NELL1: variants seen among roughly 807,000 people sequenced by gnomAD.
The protein encoded by NELL1 is neural EGFL like 1.
A neutral mutation model predicts 107.4 loss-of-function variants in NELL1; 76 were observed. The observed-to-expected ratio is 0.71, with a 90% CI of 0.59 to 0.86. NELL1 has a LOEUF of 0.86. Among genes scored for constraint, NELL1 ranks in the 40% least tolerant of loss-of-function variants. The probability of loss-of-function intolerance (pLI) is 0.00; values close to 1 mark genes in which losing one functional copy is unlikely to be tolerated. For missense variants in NELL1, 1,024 were observed against 1,005.5 expected (o/e 1.02, Z -0.25); for synonymous variants, 353 against 341.2 (o/e 1.03, Z -0.38).
At chr11:21,152,664 A>G (rs1022272209) in intron 13 of NELL1, among the ~76,000 whole-genome samples, 1 of 152,206 alleles carries the variant, frequency 6.6e-6, no homozygotes, top group Non-Finnish European at 1.5e-5. Context: ...GCAATTGACA[A>G]TTGTAGAGAT....
chr11:21,222,261 G>A (rs1333235226), intron 13 of NELL1, among the ~76,000 whole-genome samples: 2 of 151,838 alleles, frequency 1.3e-5, no homozygotes, highest in Non-Finnish European at 1.5e-5. Context: ...CTCACTGCAA[G>A]CTCTGCCTCC....
intron 13 of NELL1, among the ~76,000 whole-genome samples, chr11:21,116,731 G>C (rs984676497): frequency 6.6e-6 from 1 of 151,770 alleles, no homozygotes; most frequent in African/African-American, 2.4e-5. Context: ...TACCCTTTAC[G>C]TCTTGTCCTA....
At chr11:21,238,526 G>A (rs531635619) in intron 14 of NELL1, among the ~76,000 whole-genome samples, 7 of 152,058 alleles carry the variant, frequency 4.6e-5, no homozygotes, top group African/African-American at 9.7e-5. Context: ...ATGAGAGGTC[G>A]TAGTGGAGAG....
At chr11:21,112,476 A>T (rs1855129892) in intron 12 of NELL1, among the ~76,000 whole-genome samples, 2 of 152,014 alleles carry the variant, frequency 1.3e-5, no homozygotes, top group South Asian at 4.1e-4. Flanking sequence ...AGAAGCTTTC[A>T]TGAAGTAAAT....
intron 15 of NELL1, among the ~76,000 whole-genome samples, chr11:21,480,806 T>A (rs902115797): frequency 3.9e-5 from 6 of 152,202 alleles, no homozygotes; most frequent in African/African-American, 1.2e-4. Context: ...CCCCTCAGAA[T>A]GCTTCATTTT....
chr11:21,090,575 G>A (rs1190096482), intron 12 of NELL1, among the ~76,000 whole-genome samples: 3 of 152,092 alleles, frequency 2.0e-5, no homozygotes, highest in Non-Finnish European at 2.9e-5. Flanking sequence ...GGAAAGACCT[G>A]GTATATTGAG....
intron 3 of NELL1, among the ~76,000 whole-genome samples, chr11:20,803,984 C>T (rs764677523): frequency 1.4e-4 from 22 of 152,104 alleles, no homozygotes; most frequent in African/African-American, 5.1e-4. Context: ...CTTTGGAACT[C>T]GGACTGACTC....
At chr11:21,129,625 G>A (rs1855569885) in intron 13 of NELL1, among the ~76,000 whole-genome samples, 2 of 152,142 alleles carry the variant, frequency 1.3e-5, no homozygotes, top group Non-Finnish European at 2.9e-5. Flanking sequence ...TGAGACTAGA[G>A]AACATCATCC....
chr11:21,179,189 C>T (rs191424859), intron 13 of NELL1, among the ~76,000 whole-genome samples: 1 of 151,840 alleles, frequency 6.6e-6, no homozygotes, highest in East Asian at 1.9e-4. Flanking sequence ...AAAAGTTGGG[C>T]TGGAGCTAGA....
chr11:20,836,237 A>G (rs929821324), intron 3 of NELL1, among the ~76,000 whole-genome samples: 1 of 151,692 alleles, frequency 6.6e-6, no homozygotes, highest in African/African-American at 2.4e-5. Context: ...AAACAATGAT[A>G]TACCATTACA....
intron 2 of NELL1, among the ~76,000 whole-genome samples, chr11:20,715,019 G>A (rs191402957): frequency 2.6e-5 from 4 of 152,052 alleles, no homozygotes; most frequent in Admixed American, 2.0e-4. Flanking sequence ...CAAGGCGGGC[G>A]GATCACGAGG....
intron 13 of NELL1, among the ~76,000 whole-genome samples, chr11:21,152,579 A>G (rs951792442): frequency 6.6e-6 from 1 of 152,156 alleles, no homozygotes; most frequent in Non-Finnish European, 1.5e-5. Context: ...ACCTTGATGA[A>G]TCCTGATAAT....
At chr11:20,732,775 A>T (rs755814928) in intron 2 of NELL1, among the ~76,000 whole-genome samples, 2 of 152,196 alleles carry the variant, frequency 1.3e-5, no homozygotes, top group African/African-American at 4.8e-5. Context: ...AGCTGTACAA[A>T]GTTTTAAGTA....
At chr11:21,131,527 A>C (rs938593) in intron 13 of NELL1, among the ~76,000 whole-genome samples, 109,164 of 152,040 alleles carry the variant, frequency 0.72, 39,430 homozygotes, top group African/African-American at 0.77. Context: ...TTTTAGAAGT[A>C]CCATTAAGTG....
chr11:21,402,272 T>A (rs528668534), intron 15 of NELL1, among the ~76,000 whole-genome samples: 1 of 151,932 alleles, frequency 6.6e-6, no homozygotes, highest in African/African-American at 2.4e-5. Flanking sequence ...ATACTTTGAG[T>A]ACACCCTTTT....
intron 12 of NELL1, among the ~76,000 whole-genome samples, chr11:21,067,360 A>T (rs1021982977): frequency 1.1e-4 from 16 of 151,706 alleles, no homozygotes; most frequent in African/African-American, 3.9e-4. Context: ...TGCAAACATG[A>T]TTTTTTTTTA....
chr11:21,013,310 C>T (rs1044397201), intron 12 of NELL1, among the ~76,000 whole-genome samples: 1 of 152,126 alleles, frequency 6.6e-6, no homozygotes, highest in Non-Finnish European at 1.5e-5. Flanking sequence ...TTGGAATGGA[C>T]ACTTGAGTCA....
chr11:20,907,933 CA>C (rs1390565758), intron 5 of NELL1, among the ~76,000 whole-genome samples: 1 of 151,866 alleles, frequency 6.6e-6, no homozygotes, highest in Admixed American at 6.6e-5. Flanking sequence ...TTTACACGGC[CA>C]AAAAACGTAT....
intron 13 of NELL1, among the ~76,000 whole-genome samples, chr11:21,115,588 A>G (rs1369242037): frequency 2.6e-5 from 4 of 151,906 alleles, no homozygotes; most frequent in Non-Finnish European, 4.4e-5. Context: ...TTGTTTTGCC[A>G]TACAGTATGC....
Sources: gnomAD v4.1 joint callset for allele counts (sites outside exome capture counted in the v4.1 genomes callset) on GRCh38, gnomAD v4.1.1 for gene constraint, MANE v1.5 for transcripts, NCBI Gene and HGNC (gene_info 2026-07-23, HGNC 2026-07-21) for gene names.